GET4: variants seen among roughly 807,000 people sequenced by gnomAD.
The protein encoded by GET4 is guided entry of tail-anchored proteins factor 4.
A neutral mutation model predicts 40.0 loss-of-function variants in GET4; 20 were observed. The ratio of observed to expected loss-of-function variants is 0.50; its 90% CI spans 0.35 to 0.73. The LOEUF is 0.73. Ranked by LOEUF, GET4 falls within the 30% of genes least tolerant of loss-of-function variation. The probability of loss-of-function intolerance (pLI) is 0.01; values close to 1 mark genes in which losing one functional copy is unlikely to be tolerated. For missense variants in GET4, 557 were observed against 454.0 expected, an observed-to-expected ratio of 1.23 and a Z score of -2.06; for synonymous variants, 280 against 194.6, an observed-to-expected ratio of 1.44 and a Z score of -3.65.
In GET4 at chr7:891,336, C is replaced by T. The variant is rs932274926; in HGVS notation, c.605+270C>T. Among the ~76,000 whole-genome samples, 35 of 152,362 alleles carry T rather than the reference C, an allele frequency of 2.3e-4. 1 individual carries two copies. Among genetic ancestry groups the T allele is most frequent in the African/African-American group, 7.9e-4 (33 of 41,592 alleles). On this transcript the variant is annotated intron_variant, in intron 5 of 8. Transcript: ENST00000265857. Reference sequence around the variant, plus strand: ...GCCTCTCGCCCACTGCCGGGAGGCCCTGTGGTCTCTGCTGTACTCAGGCCT... The same window carrying T: ...GCCTCTCGCCCACTGCCGGGAGGCCTTGTGGTCTCTGCTGTACTCAGGCCT...
intron 4 of GET4, among the ~76,000 whole-genome samples, chr7:890,568 G>A (rs995111727): frequency 6.6e-6 from 1 of 152,088 alleles, no homozygotes; most frequent in Admixed American, 6.6e-5. Context: ...GCACTGGCCT[G>A]GGCCCTGATT....
At chr7:891,468 C>T (rs899574436) in intron 5 of GET4, among the ~76,000 whole-genome samples, 1 of 151,694 alleles carries the variant, frequency 6.6e-6, no homozygotes, top group South Asian at 2.1e-4. Flanking sequence ...GGCCAGGCTC[C>T]GGGCGCTGTC....
At chr7:878,637 G>A (rs931500092) in intron 1 of GET4, among the ~76,000 whole-genome samples, 2 of 148,890 alleles carry the variant, frequency 1.3e-5, no homozygotes, top group Admixed American at 1.4e-4. Flanking sequence ...GGAGTGCAAT[G>A]GTGGGATCTC....
intron 1 of GET4, chr7:878,388 C>T (rs1019628341): frequency 3.4e-5 from 16 of 470,786 alleles, no homozygotes; most frequent in Non-Finnish European, 6.2e-5. Context: ...GGTCAGGGAA[C>T]AGTCTGGCCA....
rs1843950162 is a variant in GET4 at position 876,721 on chromosome 7, G to A, written c.76G>A (p.Val26Met). Residue 26 changes from valine (V) to methionine (M), a missense_variant, in exon 1 of 9, where the codon GTG (valine) becomes ATG (methionine). Val to Met is a conservative substitution (Grantham distance 21). Transcript: ENST00000265857. ...GGRNRGGVQR[V>M]EGKLRASVEK... ...CCGCAACCGCGGCGGCGTCCAGCGT[G>A]TGGAGGGCAAGCTGCGCGCCAGCGT... The A allele has an allele frequency of 5.1e-6, 7 of 1,377,412 alleles. No homozygotes were observed. The highest frequency in any genetic ancestry group is 2.9e-5 in the South Asian group (2 of 67,948). The allele number at this position is 1,377,412 out of a possible 1,614,324, so 85.3% of individuals were successfully genotyped here. A position where few individuals can be genotyped will look rare whatever the true frequency, so the allele number is the denominator to read the frequency against.
At chr7:890,865 C>A (rs1844306017) in intron 4 of GET4, 63 bp from the exon 5 acceptor site, 3 of 1,303,884 alleles carry the variant, frequency 2.3e-6, no homozygotes, top group South Asian at 2.4e-5. Context: ...GTGTCTTTCC[C>A]CCTTTCCTTT....
rs746784533 is a variant in GET4, at chr7:884,177, G to A, written c.156-1879G>A. ...CTGTAGTATCGGCAAAGCAGAAGCTGGTGTGGTGCTTGCTCAGGGTCGGTG... is the reference window on the plus strand; with the variant it reads ...CTGTAGTATCGGCAAAGCAGAAGCTAGTGTGGTGCTTGCTCAGGGTCGGTG... On this transcript the variant is annotated intron_variant, in intron 1 of 8. Coordinates refer to ENST00000265857, the MANE Select transcript of GET4 (RefSeq NM_015949.3). 44 of 1,297,746 alleles carry A rather than the reference G, an allele frequency of 3.4e-5. No individual in the cohort carries two copies. In the Admixed American group the frequency reaches 9.7e-4, roughly 29 times the overall value. The allele number at this position is 1,297,746 out of a possible 1,614,324, so 80.4% of individuals were successfully genotyped here.
chr7:878,811 C>T (rs989733472), intron 1 of GET4, among the ~76,000 whole-genome samples: 2 of 152,204 alleles, frequency 1.3e-5, no homozygotes, highest in East Asian at 1.9e-4. Context: ...GAACTCCTGA[C>T]CTCGCGATCC....
intron 1 of GET4, chr7:879,738 G>T (rs1844045897): frequency 6.6e-6 from 1 of 152,222 alleles, no homozygotes; most frequent in South Asian, 2.1e-4. Context: ...TTCCTCCTTA[G>T]ATGGAACTAC....
At chr7:883,433 C>G in intron 1 of GET4, 2 of 803,986 alleles carry the variant, frequency 2.5e-6, no homozygotes, top group South Asian at 5.7e-5. Flanking sequence ...ACAGTCTCGG[C>G]CACTAGTTCT....
chr7:879,036 G>A lies in GET4; in HGVS notation c.155+2236G>A, dbSNP rs183463856. Among the ~76,000 whole-genome samples, 85 of 152,282 alleles carry A rather than the reference G, an allele frequency of 5.6e-4. 1 individual carries two copies. Among genetic ancestry groups the A allele is most frequent in the Admixed American group, 4.2e-3 (64 of 15,306 alleles). On this transcript the variant is annotated intron_variant, in intron 1 of 8. Transcript: ENST00000265857. ...ACTCACATCGGGGTGCATGCCTGGT[G>A]TGTGGGGGGATGAGGAACCCCATGA...
chr7:883,956 C>T (rs1157774394), intron 1 of GET4: 4 of 1,059,254 alleles, frequency 3.8e-6, no homozygotes, highest in Non-Finnish European at 4.6e-6. Flanking sequence ...GCCCGGCTCC[C>T]AGCTGCCCAG....
rs769933724 is a variant in GET4, at chr7:886,560, C to T, written c.235-9C>T. The stretch of plus-strand genomic sequence containing the variant: ...GTTCTTGATTCTTGTGTGTTGCTTT[C>T]TCTTGTAGCAAAACAGTGCAGCAGA... On this transcript the variant is annotated splice_polypyrimidine_tract_variant and intron_variant, in intron 2 of 8. Transcript: ENST00000265857. The T allele has an allele frequency of 2.2e-5, 35 of 1,604,768 alleles. No homozygotes were observed. In the East Asian group the frequency reaches 2.9e-4, roughly 13 times the overall value.
At chr7:887,701 C>T (rs1467951249) in intron 4 of GET4, among the ~76,000 whole-genome samples, 182 bp downstream of exon 4, 2 of 152,210 alleles carry the variant, frequency 1.3e-5, no homozygotes, top group East Asian at 1.9e-4. Flanking sequence ...CCACTGCACC[C>T]GAGAAGCTGC....
At chr7:891,795 C>T (rs552194580) in intron 5 of GET4, among the ~76,000 whole-genome samples, 1 of 152,388 alleles carries the variant, frequency 6.6e-6, no homozygotes, top group South Asian at 2.1e-4. Context: ...GGGTCAAACC[C>T]AGAGCTCCCT....
intron 4 of GET4, 116 bp downstream of exon 4, chr7:887,635 G>A: frequency 2.6e-6 from 2 of 781,222 alleles, no homozygotes; most frequent in South Asian, 6.1e-5. Context: ...TTCACCCTGT[G>A]GTCACGCGGG....
chr7:878,299 A>G (rs746633163), intron 1 of GET4: 2 of 471,152 alleles, frequency 4.2e-6, no homozygotes, highest in East Asian at 6.9e-5. Context: ...TTGCTGTCAT[A>G]CAGTTACTGC....
intron 1 of GET4, chr7:883,561 G>A: frequency 3.0e-6 from 3 of 984,726 alleles, no homozygotes; most frequent in Non-Finnish European, 2.4e-6. Flanking sequence ...CCGGCAGAGA[G>A]CACCAGCGCT....
intron 1 of GET4, chr7:882,283 C>T (rs1844101847): frequency 6.6e-6 from 1 of 152,218 alleles, no homozygotes; most frequent in Non-Finnish European, 1.5e-5. Flanking sequence ...AATTTACACT[C>T]CCACCAGCAG....
Sources: gnomAD v4.1 joint callset for allele counts (sites outside exome capture counted in the v4.1 genomes callset) on GRCh38, gnomAD v4.1.1 for gene constraint, MANE v1.5 for transcripts, NCBI Gene and HGNC (gene_info 2026-07-23, HGNC 2026-07-21) for gene names.